The following MRPS18B variants were observed in gnomAD, a reference collection of about 807,000 sequenced individuals.
MRPS18B encodes the protein mitochondrial ribosomal protein S18B, also known as small ribosomal subunit protein mS40.
Under a neutral mutation model 28.4 loss-of-function variants are expected in MRPS18B, and 27 were observed. That is an observed-to-expected ratio of 0.95 (90% CI 0.70 to 1.31). The LOEUF (loss-of-function observed/expected upper bound fraction) is 1.31. MRPS18B is among the 40% of genes most tolerant of loss of function. MRPS18B has a pLI of 0.00. For synonymous variants in MRPS18B, 118 were observed against 123.7 expected (o/e 0.95, Z 0.30); for missense variants, 343 against 335.9 (o/e 1.02, Z -0.17).
In MRPS18B at chr6:30,619,566, A is replaced by C. The variant is rs781624408; in HGVS notation, c.152A>C (p.Tyr51Ser). Residue 51 changes from tyrosine to serine, a missense_variant, in exon 2 of 7, where the codon TAT (tyrosine) becomes TCT (serine). Physicochemically the swap from Tyr to Ser is moderately radical, Grantham distance 144. Coordinates refer to ENST00000259873, the MANE Select transcript of MRPS18B (RefSeq NM_014046.4). ...DSLSSVPISP[Y>S]KDEPWKYLES... ...TTGTCCTCAGTTCCCATTTCTCCTT[A>C]TAAGGATGAGCCCTGGAAATATCTG... 6.2e-6 allele frequency: 10 copies of C among 1,612,864 alleles called. No homozygotes were observed. The highest frequency in any genetic ancestry group is 8.5e-6 in the Non-Finnish European group (10 of 1,179,932).
At chr6:30,619,454 C>T in intron 1 of MRPS18B, 39 bp from the exon 2 acceptor site, 1 of 1,553,330 alleles carries the variant, frequency 6.4e-7, no homozygotes, top group Non-Finnish European at 8.9e-7. Context: ...TAGTCCTTTC[C>T]TTAAACTCAT....
chr6:30,618,259 C>G (rs1470117225), intron 1 of MRPS18B, among the ~76,000 whole-genome samples: 1 of 152,104 alleles, frequency 6.6e-6, no homozygotes, highest in African/African-American at 2.4e-5. Context: ...ATTAAGGGGC[C>G]ATGCTAATCT....
rs907655075 is a variant in MRPS18B at position 30,626,050 on chromosome 6, A to C, written c.*253A>C. 2 of 469,812 alleles carry C rather than the reference A, an allele frequency of 4.3e-6. No homozygotes were observed. The highest frequency in any genetic ancestry group is 7.6e-6 in the Non-Finnish European group (2 of 264,720). 29.1% of individuals were successfully genotyped at this position (469,812 alleles called of 1,614,324 possible). ...GGAGGCGGAGGTTGCAGTGAGTTGC[A>C]GTCACACCCCTGCACTCCAGCCTGG... On this transcript the variant is annotated 3_prime_UTR_variant, in exon 7 of 7. Coordinates refer to ENST00000259873, the MANE Select transcript of MRPS18B (RefSeq NM_014046.4).
At chr6:30,624,838 A>T in intron 5 of MRPS18B, 45 bp from the exon 6 acceptor site, 5 of 1,602,044 alleles carry the variant, frequency 3.1e-6, no homozygotes, top group Non-Finnish European at 4.3e-6. Flanking sequence ...GTTGTGTTCT[A>T]TTATTTACTG....
At position 30,626,068 on chromosome 6, in the gene MRPS18B, C is replaced by G; in HGVS notation, c.*271C>G. ...GAGTTGCAGTCACACCCCTGCACTC[C>G]AGCCTGGGTGACAGCTAGACCCTGT... On this transcript the variant is annotated 3_prime_UTR_variant, in exon 7 of 7. Transcript: ENST00000259873. 1 of 409,348 alleles carries G rather than the reference C, an allele frequency of 2.4e-6. No homozygotes were observed. The highest frequency in any genetic ancestry group is 4.3e-6 in the Non-Finnish European group (1 of 231,602). The allele number at this position is 409,348 out of a possible 1,614,324, so 25.4% of individuals were successfully genotyped here.
At chr6:30,621,183 C>G (rs2127465127) in intron 4 of MRPS18B, among the ~76,000 whole-genome samples, 1 of 152,324 alleles carries the variant, frequency 6.6e-6, no homozygotes, top group Admixed American at 6.5e-5. Flanking sequence ...AGGTGCTTCA[C>G]CTGAGGTCAG....
chr6:30,624,775 A>G, intron 5 of MRPS18B, 108 bp from the exon 6 acceptor site: 1 of 1,238,134 alleles, frequency 8.1e-7, no homozygotes, highest in Admixed American at 2.0e-5. Flanking sequence ...GAAAGGGGTC[A>G]TTAGGTAAAG....
At chr6:30,618,517 G>A in intron 1 of MRPS18B, 1 of 152,922 alleles carries the variant, frequency 6.5e-6, no homozygotes, top group East Asian at 1.9e-4. Context: ...GCTTAACTCC[G>A]TCCTTTGAAT....
chr6:30,619,760 A>G lies in MRPS18B; in HGVS notation c.239A>G (p.Asn80Ser), dbSNP rs1761024167. The G allele has an allele frequency of 6.2e-7, 1 of 1,614,242 alleles. No homozygotes were observed. The highest frequency in any genetic ancestry group is 8.5e-7 in the Non-Finnish European group (1 of 1,180,036). ...CCCGTCTGGGCTGACTACCGCCGCA[A>G]CCACAAGGGTGGTGTACCCCCACAG... ...SRPVWADYRR[N>S]HKGGVPPQRT... Residue 80 changes from asparagine (N) to serine (S), a missense_variant, in exon 3 of 7, where the codon AAC (asparagine) becomes AGC (serine). Asn to Ser is a conservative substitution (Grantham distance 46). Transcript: ENST00000259873.
intron 4 of MRPS18B, 128 bp from the exon 5 acceptor site, chr6:30,622,704 C>A: frequency 1.3e-6 from 1 of 787,628 alleles, no homozygotes; most frequent in Non-Finnish European, 2.2e-6. Flanking sequence ...AGGATGGCAT[C>A]TGGAGAGCTG....
chr6:30,618,028 T>A, intron 1 of MRPS18B, 85 bp downstream of exon 1: 1 of 1,422,982 alleles, frequency 7.0e-7, no homozygotes, highest in Non-Finnish European at 9.9e-7. Context: ...AATCCACGAG[T>A]GGAGACCTTC....
chr6:30,625,803 G>A lies in MRPS18B; in HGVS notation c.*6G>A. 1.9e-6 allele frequency: 3 copies of A among 1,598,276 alleles called. No individual in the cohort carries two copies. The highest frequency in any genetic ancestry group is 2.6e-6 in the Non-Finnish European group (3 of 1,168,520). The stretch of plus-strand genomic sequence containing the variant: ...GCCCTCAGAGTGCTCTGTAGGAGCT[G>A]TAGACTGGGAAGAGAGGCCAGGCGT... On this transcript the variant is annotated 3_prime_UTR_variant, in exon 7 of 7. Coordinates refer to ENST00000259873, the MANE Select transcript of MRPS18B (RefSeq NM_014046.4).
rs1761490795 is a variant in MRPS18B at position 30,625,564 on chromosome 6, G to A, written c.544G>A (p.Gly182Arg). Residue 182 changes from glycine to arginine, a missense_variant, in exon 7 of 7, where the codon GGG becomes AGG. Transcript: ENST00000259873. ...PRDLDFSTSH[G>R]AVSATPPAPT... Reference sequence around the variant, plus strand: ...GGACCTTGACTTCAGTACCTCTCATGGGGCTGTGAGTGCTACTCCGCCAGC... The same window carrying A: ...GGACCTTGACTTCAGTACCTCTCATAGGGCTGTGAGTGCTACTCCGCCAGC... The A allele has an allele frequency of 2.5e-6, 4 of 1,605,848 alleles. No individual in the cohort carries two copies. The highest frequency in any genetic ancestry group is 2.6e-6 in the Non-Finnish European group (3 of 1,174,138).
Position 30,619,576 on chromosome 6 carries a change from G to C in MRPS18B, c.162G>C (p.Glu54Asp). The change falls in exon 2 of 7, where the codon GAG becomes GAC. Residue 54 changes from glutamate (E) to aspartate (D), a missense_variant. Transcript: ENST00000259873. Reference sequence around the variant, plus strand: ...TTCCCATTTCTCCTTATAAGGATGAGCCCTGGAAATATCTGGAATCAGAAG... The same window carrying C: ...TTCCCATTTCTCCTTATAAGGATGACCCCTGGAAATATCTGGAATCAGAAG... ...SSVPISPYKD[E>D]PWKYLESEEY... 1 of 1,612,854 alleles carries C rather than the reference G, an allele frequency of 6.2e-7. No homozygotes were observed. Among genetic ancestry groups the C allele is most frequent in the Non-Finnish European group, 8.5e-7 (1 of 1,179,884 alleles).
At chr6:30,620,069 G>A in intron 4 of MRPS18B, 80 bp downstream of exon 4, 2 of 1,406,138 alleles carry the variant, frequency 1.4e-6, no homozygotes, top group South Asian at 2.3e-5. Context: ...TGTAATCCCA[G>A]CACTTTGGGA....
In MRPS18B at chr6:30,619,546, C is replaced by T. The variant is rs1452804116; in HGVS notation, c.132C>T (p.Ser44=). Residue 44 remains serine, a synonymous_variant, in exon 2 of 7, where the codon TCC becomes TCT. Transcript: ENST00000259873. ...TKAPSEEDSL[S]SVPISPYKDE... ...CTCCCTCTGAGGAAGATTCTTTGTC[C>T]TCAGTTCCCATTTCTCCTTATAAGG... The T allele has an allele frequency of 2.5e-5, 41 of 1,612,916 alleles. No homozygotes were observed. Among genetic ancestry groups the T allele is most frequent in the Non-Finnish European group, 3.3e-5 (39 of 1,180,030 alleles).
intron 1 of MRPS18B, among the ~76,000 whole-genome samples, chr6:30,618,246 CTAAT>C (rs1406805487): frequency 1.3e-5 from 2 of 152,034 alleles, no homozygotes; most frequent in Admixed American, 6.6e-5. Context: ...AATTATTTAA[CTAAT>C]TAAGGGGCCA....
At position 30,619,526 on chromosome 6, in the gene MRPS18B, T is replaced by C. The variant is rs1430902071; in HGVS notation, c.112T>C (p.Ser38Pro). Reference protein sequence around the residue: ...PLQTLCTKAPSEEDSLSSVPI... With the variant: ...PLQTLCTKAPPEEDSLSSVPI... The stretch of plus-strand genomic sequence containing the variant: ...CCAGACTCTTTGCACCAAAGCTCCC[T>C]CTGAGGAAGATTCTTTGTCCTCAGT... Residue 38 changes from serine to proline, a missense_variant, in exon 2 of 7, where the codon TCT (serine) becomes CCT (proline). Physicochemically the swap from Ser to Pro is moderately conservative, Grantham distance 74. Transcript: ENST00000259873. 2 of 1,613,028 alleles carry C rather than the reference T, an allele frequency of 1.2e-6. No homozygotes were observed. Among genetic ancestry groups the C allele is most frequent in the East Asian group, 4.5e-5 (2 of 44,884 alleles).
intron 1 of MRPS18B, among the ~76,000 whole-genome samples, chr6:30,618,187 T>C (rs924978220): frequency 6.6e-6 from 1 of 151,790 alleles, no homozygotes; most frequent in African/African-American, 2.4e-5. Context: ...ACTTAAGTGA[T>C]GGAATTGACC....
Sources: allele counts gnomAD v4.1 joint callset (sites outside exome capture counted in the v4.1 genomes callset), GRCh38; gene constraint gnomAD v4.1.1; transcripts MANE v1.5; gene names NCBI Gene and HGNC (gene_info 2026-07-23, HGNC 2026-07-21).